HFM1: variants seen among roughly 807,000 people sequenced by gnomAD.
HFM1 encodes the protein probable ATP-dependent DNA helicase HFM1.
HFM1 carries 169 observed loss-of-function variants against 192.1 expected under a neutral mutation model. The observed-to-expected ratio is 0.88, with a 90% confidence interval of 0.78 to 1.00. The LOEUF (loss-of-function observed/expected upper bound fraction) is 1.00. Among genes scored for constraint, HFM1 ranks in the 50% least tolerant of loss-of-function variants. The pLI is 0.00. For missense variants in HFM1, 1,661 were observed against 1,668.0 expected, an observed-to-expected ratio of 1.00 and a Z score of 0.07; for synonymous variants, 525 against 537.8, an observed-to-expected ratio of 0.98 and a Z score of 0.33.
At chr1:91,398,960 T>G (rs1344859481) in intron 2 of HFM1, among the ~76,000 whole-genome samples, 1 of 152,190 alleles carries the variant, frequency 6.6e-6, no homozygotes, top group Non-Finnish European at 1.5e-5. Flanking sequence ...CCCAAAGTGC[T>G]GGGATTACAG....
chr1:91,304,890 T>C (rs997911678), intron 30 of HFM1, among the ~76,000 whole-genome samples: 1 of 152,194 alleles, frequency 6.6e-6, no homozygotes, highest in East Asian at 1.9e-4. Flanking sequence ...GTCTATGCAG[T>C]TGCCCAGCCC....
Position 91,328,874 on chromosome 1 carries a change from G to T in HFM1, c.2336-4108C>A. On this transcript the variant is annotated intron_variant, in intron 20 of 38. Coordinates refer to ENST00000370425, the MANE Select transcript of HFM1 (RefSeq NM_001017975.6). ...CATCGAGGCAGAGGCCAGCTGTGCT[G>T]CCCTGGTGAAGGCTGGCAAAGTCTA... The T allele has an allele frequency of 1.9e-6, 3 of 1,610,844 alleles. No homozygotes were observed. The Admixed American group carries it at 5.0e-5, about 27-fold the overall frequency.
chr1:91,293,898 A>T (rs1164914462), intron 30 of HFM1, among the ~76,000 whole-genome samples: 84 of 151,484 alleles, frequency 5.5e-4, no homozygotes, highest in African/African-American at 1.8e-3. Context: ...TGTCCTTTGT[A>T]GGGACATGGA....
intron 20 of HFM1, among the ~76,000 whole-genome samples, chr1:91,331,200 G>A (rs1041399585): frequency 1.3e-5 from 2 of 152,144 alleles, no homozygotes; most frequent in African/African-American, 4.8e-5. Context: ...CTTGTTTGCA[G>A]ATGAAATAAT....
intron 13 of HFM1, among the ~76,000 whole-genome samples, chr1:91,355,161 C>G (rs282060): frequency 3.9e-5 from 6 of 152,252 alleles, no homozygotes; most frequent in East Asian, 1.9e-4. Context: ...TATTATAACT[C>G]TAAGATATTT....
upstream of HFM1, among the ~76,000 whole-genome samples, chr1:91,407,218 G>A (rs957961702): frequency 5.3e-5 from 8 of 152,028 alleles, no homozygotes; most frequent in African/African-American, 1.9e-4. Context: ...GGGGTGAGGG[G>A]CTGGGGGAAG....
chr1:91,262,426 A>C (rs2100656455), intron 37 of HFM1, 34 bp from the exon 38 acceptor site: 1 of 1,577,986 alleles, frequency 6.3e-7, no homozygotes, highest in South Asian at 1.2e-5. Context: ...AATCATTGAA[A>C]GTTTAAGCAC....
At chr1:91,404,684 G>A (rs2102243074) in intron 1 of HFM1, 114 bp downstream of exon 1, 1 of 298,348 alleles carries the variant, frequency 3.4e-6, no homozygotes, top group Non-Finnish European at 6.6e-6. Flanking sequence ...CTGCCCGGCA[G>A]ACGGCTCTAG....
intron 20 of HFM1, among the ~76,000 whole-genome samples, chr1:91,341,420 T>C (rs988996701): frequency 6.6e-6 from 1 of 152,158 alleles, no homozygotes; most frequent in Admixed American, 6.6e-5. Context: ...GAATCTCTGA[T>C]ATACAGGTAA....
At chr1:91,328,206 T>C (rs1653208175) in intron 20 of HFM1, among the ~76,000 whole-genome samples, 1 of 152,116 alleles carries the variant, frequency 6.6e-6, no homozygotes, top group African/African-American at 2.4e-5. Flanking sequence ...TTAACAAAAT[T>C]GACAAACCTT....
intron 13 of HFM1, among the ~76,000 whole-genome samples, chr1:91,369,703 A>C (rs1659898896): frequency 6.6e-6 from 1 of 152,182 alleles, no homozygotes; most frequent in African/African-American, 2.4e-5. Flanking sequence ...GAGCAAACAC[A>C]TTCAAAAGCT....
rs1200806185 is a variant in HFM1 at position 91,394,388 on chromosome 1, G to A, written c.199C>T (p.Pro67Ser). 6 of 1,523,392 alleles carry A rather than the reference G, an allele frequency of 3.9e-6. No homozygotes were observed. The highest frequency in any genetic ancestry group is 5.4e-6 in the Non-Finnish European group (6 of 1,109,504). 94.4% of individuals were successfully genotyped at this position (1,523,392 alleles called of 1,614,324 possible). A position where few individuals can be genotyped will look rare whatever the true frequency, so the allele number is the denominator to read the frequency against. ...TTTAAATTTGATGTTAACATTTTTG[G>A]CCTCTTTTCCTGACCTACAAAAAAG... ...SHKLLGQEKR[P>S]KMLTSNLKIT... is the part of the protein sequence containing the mutation. The change falls in exon 4 of 39, where the codon CCA (proline) becomes TCA (serine). Residue 67 changes from proline (P) to serine (S), a missense_variant. Physicochemically the swap from Pro to Ser is moderately conservative, Grantham distance 74. Transcript: ENST00000370425.
chr1:91,358,502 C>G (rs1323206016), intron 13 of HFM1, among the ~76,000 whole-genome samples: 1 of 152,008 alleles, frequency 6.6e-6, no homozygotes, highest in African/African-American at 2.4e-5. Flanking sequence ...TCCAAACATA[C>G]ACAGTCAACT....
intron 11 of HFM1, chr1:91,377,809 T>C (rs1180412978): frequency 1.9e-6 from 1 of 529,566 alleles, no homozygotes; most frequent in African/African-American, 2.0e-5. Context: ...GCAAACGAGA[T>C]GTCCACATGT....
At chr1:91,296,865 C>T (rs554681805) in intron 30 of HFM1, among the ~76,000 whole-genome samples, 2 of 152,272 alleles carry the variant, frequency 1.3e-5, no homozygotes, top group East Asian at 1.9e-4. Context: ...CCAGCGTGAG[C>T]GATGCAGAAG....
intron 1 of HFM1, 40 bp from the exon 2 acceptor site, chr1:91,401,149 A>G (rs762346080): frequency 4.6e-6 from 4 of 860,798 alleles, no homozygotes; most frequent in Non-Finnish European, 7.1e-6. Flanking sequence ...TTTATTTATA[A>G]AGATGTAAAA....
At chr1:91,394,589 A>G (rs1317055796) in intron 3 of HFM1, among the ~76,000 whole-genome samples, 187 bp from the exon 4 acceptor site, 1 of 152,144 alleles carries the variant, frequency 6.6e-6, no homozygotes, top group Non-Finnish European at 1.5e-5. Flanking sequence ...CTTATGGTAT[A>G]TTACATCATT....
At chr1:91,342,149 A>AC (rs1481408123) in intron 20 of HFM1, among the ~76,000 whole-genome samples, 3 of 125,554 alleles carry the variant, frequency 2.4e-5, no homozygotes, top group Non-Finnish European at 5.0e-5. Flanking sequence ...AAAAAAAAAA[A>AC]AATTCAGGCG....
chr1:91,380,843 G>C lies in HFM1; in HGVS notation c.873+69C>G, dbSNP rs1398126551. 3.9e-6 allele frequency: 3 copies of C among 769,624 alleles called. No individual in the cohort carries two copies. In the African/African-American group the frequency reaches 5.4e-5, roughly 14 times the overall value. 47.7% of individuals were successfully genotyped at this position (769,624 alleles called of 1,614,324 possible). On this transcript the variant is annotated intron_variant, in intron 7 of 38. Transcript: ENST00000370425. ...AGACATAAAGATCTAGTAAATCCCA[G>C]CTGTCCCAATCTAGTGATCATAACC...
Sources: gnomAD v4.1 joint callset for allele counts (sites outside exome capture counted in the v4.1 genomes callset) on GRCh38, gnomAD v4.1.1 for gene constraint, MANE v1.5 for transcripts, NCBI Gene and HGNC (gene_info 2026-07-23, HGNC 2026-07-21) for gene names.